ANKRD31: variants seen among roughly 807,000 people sequenced by gnomAD.
The protein encoded by ANKRD31 is ankyrin repeat domain-containing protein 31.
A neutral mutation model predicts 186.0 loss-of-function variants in ANKRD31; 147 were observed. The observed-to-expected ratio is 0.79, with a 90% CI of 0.69 to 0.91. The LOEUF (loss-of-function observed/expected upper bound fraction) is 0.91, where lower values mean the gene tolerates loss of function less well. ANKRD31 is among the 40% of genes least tolerant of loss of function. The pLI is 0.00. For synonymous variants in ANKRD31, 673 were observed against 736.4 expected (o/e 0.91, Z 1.39); for missense variants, 1,986 against 2,148.8 (o/e 0.92, Z 1.50).
intron 16 of ANKRD31, among the ~76,000 whole-genome samples, chr5:75,138,317 C>T (rs1750755961): frequency 6.6e-6 from 1 of 152,136 alleles, no homozygotes; most frequent in Non-Finnish European, 1.5e-5. Context: ...TCTGACTTTC[C>T]TATGTGTATC....
At chr5:75,116,495 ATAAC>A (rs1318638489) in intron 19 of ANKRD31, 67 bp downstream of exon 19, 1 of 869,834 alleles carries the variant, frequency 1.1e-6, no homozygotes, top group Non-Finnish European at 1.6e-6. Flanking sequence ...CCATTAGCCA[ATAAC>A]TAACTGGCTG....
At chr5:75,115,743 A>C (rs1748183940) in intron 19 of ANKRD31, among the ~76,000 whole-genome samples, 1 of 151,468 alleles carries the variant, frequency 6.6e-6, no homozygotes, top group Non-Finnish European at 1.5e-5. Context: ...GGCAATCATT[A>C]AAAAGTCAGG....
At chr5:75,224,129 TTATATATA>T (rs148986776) in intron 2 of ANKRD31, among the ~76,000 whole-genome samples, 20 of 105,772 alleles carry the variant, frequency 1.9e-4, no homozygotes, top group East Asian at 1.0e-3. Context: ...TCAGAAATAA[TTATATATA>T]TATATATATA....
chr5:75,186,023 G>T (rs993929911), intron 10 of ANKRD31, among the ~76,000 whole-genome samples: 1 of 152,082 alleles, frequency 6.6e-6, no homozygotes, highest in Non-Finnish European at 1.5e-5. Flanking sequence ...GCTTTATTCT[G>T]CAGAGAAAGC....
At chr5:75,217,711 C>T (rs1757043838) in intron 3 of ANKRD31, among the ~76,000 whole-genome samples, 1 of 152,134 alleles carries the variant, frequency 6.6e-6, no homozygotes, top group Non-Finnish European at 1.5e-5. Flanking sequence ...CTTTATCCCA[C>T]TTGCCACTCT....
chr5:75,206,233 A>T (rs1756186489), intron 5 of ANKRD31, among the ~76,000 whole-genome samples, 178 bp downstream of exon 5: 15 of 25,822 alleles, frequency 5.8e-4, no homozygotes, highest in African/African-American at 1.3e-3. Context: ...AAAAAAAAAA[A>T]AAAAAAAAAA....
In ANKRD31 at chr5:75,210,803, T is replaced by C. The variant is rs1285431211; in HGVS notation, c.326+25A>G. 10 of 1,472,332 alleles carry C rather than the reference T, an allele frequency of 6.8e-6. No homozygotes were observed. The Admixed American group carries it at 2.3e-4, about 34-fold the overall frequency. The allele number at this position is 1,472,332 out of a possible 1,614,324, so 91.2% of individuals were successfully genotyped here. ...AATGACAAAAATACCTACAACATAA[T>C]GAAGCCAAAAATTAGTATACTTACT... On this transcript the variant is annotated intron_variant, in intron 4 of 25. Coordinates refer to ENST00000506364, the MANE Select transcript of ANKRD31 (RefSeq NM_001372053.1).
At chr5:75,202,505 G>A (rs1275568265) in intron 5 of ANKRD31, among the ~76,000 whole-genome samples, 3 of 151,892 alleles carry the variant, frequency 2.0e-5, no homozygotes, top group Non-Finnish European at 4.4e-5. Flanking sequence ...TGGTATACAT[G>A]AGAAATAATT....
At chr5:75,224,172 T>TTCCAGAAAACCACCCA (rs1757498448) in intron 2 of ANKRD31, among the ~76,000 whole-genome samples, 1 of 119,546 alleles carries the variant, frequency 8.4e-6, no homozygotes, top group Admixed American at 8.5e-5. Context: ...TATATATATA[T>TTCCAGAAAACCACCCA]ATATATACAC....
chr5:75,236,520 T>C (rs1357237520), intron 1 of ANKRD31, 63 bp downstream of exon 1: 4 of 1,418,664 alleles, frequency 2.8e-6, no homozygotes, highest in African/African-American at 1.4e-5. Context: ...TCTGACCCCC[T>C]CAGAGGGCAC....
At chr5:75,110,361 T>A (rs1747671938) in intron 20 of ANKRD31, among the ~76,000 whole-genome samples, 1 of 152,010 alleles carries the variant, frequency 6.6e-6, no homozygotes, top group Non-Finnish European at 1.5e-5. Flanking sequence ...TAGGCTCCAC[T>A]TGATGAATAA....
intron 12 of ANKRD31, 95 bp downstream of exon 12, chr5:75,154,106 A>C: frequency 8.3e-7 from 1 of 1,202,020 alleles, no homozygotes; most frequent in Non-Finnish European, 1.1e-6. Flanking sequence ...CTCAACACTC[A>C]TGAGAAAAAT....
At chr5:75,095,240 C>T (rs1746224455) in intron 22 of ANKRD31, among the ~76,000 whole-genome samples, 1 of 151,942 alleles carries the variant, frequency 6.6e-6, no homozygotes, top group African/African-American at 2.4e-5. Context: ...GAGGCTGAGG[C>T]AGGTGGATCA....
chr5:75,187,851 C>G (rs1380899810), intron 10 of ANKRD31, among the ~76,000 whole-genome samples: 4 of 152,078 alleles, frequency 2.6e-5, no homozygotes, highest in Admixed American at 2.6e-4. Flanking sequence ...AGTTTAGAAA[C>G]AACATGAAAA....
intron 20 of ANKRD31, among the ~76,000 whole-genome samples, chr5:75,110,817 G>C (rs1747717034): frequency 6.8e-6 from 1 of 147,520 alleles, no homozygotes; most frequent in African/African-American, 2.5e-5. Flanking sequence ...GCTACTAGCA[G>C]TGTACACAAA....
In ANKRD31 at chr5:75,137,871, T is replaced by C. The variant is rs1230342037; in HGVS notation, c.3861A>G (p.Ala1287=). ...DGILPLHDAV[A]NNHLKAAEIL... ...TGCACTGTACCTTTAAATGATTGTT[T>C]GCAACAGCATCATGTAAGGGCAGAA... The change falls in exon 17 of 26, where the codon GCA becomes GCG. Residue 1287 remains alanine, a synonymous_variant. Coordinates refer to ENST00000506364, the MANE Select transcript of ANKRD31 (RefSeq NM_001372053.1). 6.6e-7 allele frequency: 1 copy of C among 1,526,640 alleles called. No individual in the cohort carries two copies. The highest frequency in any genetic ancestry group is 8.8e-7 in the Non-Finnish European group (1 of 1,142,626). The allele number at this position is 1,526,640 out of a possible 1,614,324, so 94.6% of individuals were successfully genotyped here. A position where few individuals can be genotyped will look rare whatever the true frequency, so the allele number is the denominator to read the frequency against.
At chr5:75,073,298 TA>T (rs58075823) in intron 25 of ANKRD31, among the ~76,000 whole-genome samples, 6,998 of 140,214 alleles carry the variant, frequency 0.05, 451 homozygotes, top group African/African-American at 0.16. Context: ...CTCCATCTCT[TA>T]AAAAAAAAAA....
rs1250075827 is a variant in ANKRD31, at chr5:75,091,287, C to T, written c.5446G>A (p.Val1816Met). The change falls in exon 23 of 26, where the codon GTG becomes ATG. Residue 1816 changes from valine to methionine, a missense_variant. Coordinates refer to ENST00000506364, the MANE Select transcript of ANKRD31 (RefSeq NM_001372053.1). ...TTACTCCAAGCATAATTCCAGGTCA[C>T]ATAACTGTTGCCTCCCAGAAGATCC... ...LKDLLGGNSY[V>M]TWNYAWSKVT... The T allele has an allele frequency of 1.3e-6, 2 of 1,537,042 alleles. No homozygotes were observed. Among genetic ancestry groups the T allele is most frequent in the African/African-American group, 2.7e-5 (2 of 73,158 alleles).
intron 17 of ANKRD31, among the ~76,000 whole-genome samples, chr5:75,129,556 T>A (rs1203329594): frequency 6.6e-6 from 1 of 152,226 alleles, no homozygotes; most frequent in Non-Finnish European, 1.5e-5. Flanking sequence ...GTTCTTAAAA[T>A]ATCTAGAGAT....
Sources: allele counts gnomAD v4.1 joint callset (sites outside exome capture counted in the v4.1 genomes callset), GRCh38; gene constraint gnomAD v4.1.1; transcripts MANE v1.5; gene names NCBI Gene and HGNC (gene_info 2026-07-23, HGNC 2026-07-21).